RBMS3: variants seen among roughly 807,000 people sequenced by gnomAD.
RBMS3 encodes RNA binding motif single stranded interacting protein 3.
A neutral mutation model predicts 66.8 loss-of-function variants in RBMS3; 27 were observed. That is an observed-to-expected ratio of 0.40 (90% CI 0.30 to 0.56). RBMS3 has a LOEUF of 0.56. Among genes scored for constraint, RBMS3 ranks in the 20% least tolerant of loss-of-function variants. The pLI is 0.40. For synonymous variants in RBMS3, 188 were observed against 183.0 expected, an observed-to-expected ratio of 1.03 and a Z score of -0.22; for missense variants, 513 against 549.5, an observed-to-expected ratio of 0.93 and a Z score of 0.66.
intron 1 of RBMS3, among the ~76,000 whole-genome samples, chr3:29,345,774 T>G (rs1054466878): frequency 6.6e-6 from 1 of 152,156 alleles, no homozygotes; most frequent in African/African-American, 2.4e-5. Flanking sequence ...GAAACAGGTT[T>G]GATTGAAGTC....
chr3:29,995,716 T>C (rs1299349449), intron 14 of RBMS3, among the ~76,000 whole-genome samples: 215 of 151,382 alleles, frequency 1.4e-3, no homozygotes, highest in African/African-American at 4.9e-3. Flanking sequence ...CAAGCAAGTG[T>C]TGAGAGATTT....
At chr3:29,637,166 A>G (rs2049507416) in intron 4 of RBMS3, among the ~76,000 whole-genome samples, 1 of 151,762 alleles carries the variant, frequency 6.6e-6, no homozygotes, top group Non-Finnish European at 1.5e-5. Flanking sequence ...ATTTCTACTT[A>G]ATTTGCTGAT....
At chr3:29,812,417 T>A (rs1264954762) in intron 6 of RBMS3, among the ~76,000 whole-genome samples, 1 of 152,172 alleles carries the variant, frequency 6.6e-6, no homozygotes, top group Non-Finnish European at 1.5e-5. Flanking sequence ...ATGTTTGTTC[T>A]CCTGTTGGAA....
At chr3:29,826,953 T>G (rs2149482439) in intron 6 of RBMS3, among the ~76,000 whole-genome samples, 1 of 152,244 alleles carries the variant, frequency 6.6e-6, no homozygotes, top group Admixed American at 6.5e-5. Flanking sequence ...CACACACATC[T>G]TTACCAAGTT....
chr3:29,698,541 G>T, intron 4 of RBMS3: 2 of 985,274 alleles, frequency 2.0e-6, no homozygotes, highest in African/African-American at 1.7e-5. Context: ...TCAAGATGGC[G>T]GATTCAATGA....
At chr3:29,559,204 G>A (rs1280586092) in intron 3 of RBMS3, among the ~76,000 whole-genome samples, 1 of 151,544 alleles carries the variant, frequency 6.6e-6, no homozygotes, top group Non-Finnish European at 1.5e-5. Context: ...CTAAATAATT[G>A]TGCATTAATT....
At chr3:29,600,037 T>C (rs754966716) in intron 4 of RBMS3, among the ~76,000 whole-genome samples, 14 of 152,150 alleles carry the variant, frequency 9.2e-5, no homozygotes, top group Non-Finnish European at 1.3e-4. Flanking sequence ...AGATACTATT[T>C]TTACTATCAA....
At chr3:29,641,496 A>T (rs2049710588) in intron 4 of RBMS3, among the ~76,000 whole-genome samples, 1 of 152,062 alleles carries the variant, frequency 6.6e-6, no homozygotes, top group Non-Finnish European at 1.5e-5. Flanking sequence ...ACACGTTTTA[A>T]TGTACTGCTA....
intron 4 of RBMS3, among the ~76,000 whole-genome samples, chr3:29,644,979 C>T (rs2049862279): frequency 6.6e-6 from 1 of 152,132 alleles, no homozygotes; most frequent in African/African-American, 2.4e-5. Flanking sequence ...AGAAGTATTG[C>T]TTAACCATGG....
chr3:29,849,737 T>G (rs1350660713), intron 6 of RBMS3, among the ~76,000 whole-genome samples: 1 of 152,170 alleles, frequency 6.6e-6, no homozygotes, highest in Non-Finnish European at 1.5e-5. Flanking sequence ...CAGAAATATT[T>G]TAACAGCAAG....
chr3:29,283,404 A>G (rs1053700544), intron 1 of RBMS3, among the ~76,000 whole-genome samples: 1 of 152,168 alleles, frequency 6.6e-6, no homozygotes, highest in Non-Finnish European at 1.5e-5. Context: ...GAAATAGTGA[A>G]TGTTATGCAC....
intron 1 of RBMS3, among the ~76,000 whole-genome samples, chr3:29,358,477 T>C (rs200250256): frequency 0.11 from 16,708 of 152,034 alleles, 1,055 homozygotes; most frequent in East Asian, 0.22. Flanking sequence ...AGTGAGGTAG[T>C]GTGATGCCTC....
At chr3:29,928,180 T>TTATGTG (rs59335121) in intron 10 of RBMS3, among the ~76,000 whole-genome samples, 1 of 102,574 alleles carries the variant, frequency 9.7e-6, no homozygotes, top group East Asian at 3.3e-4. Context: ...TCTTCAAATT[T>TTATGTG]TATATATATA....
chr3:29,490,281 AC>A (rs1313399052), intron 3 of RBMS3, among the ~76,000 whole-genome samples: 4 of 151,574 alleles, frequency 2.6e-5, no homozygotes, highest in Non-Finnish European at 2.9e-5. Flanking sequence ...GGGAGTGGAA[AC>A]AAAAAAAAAT....
intron 6 of RBMS3, among the ~76,000 whole-genome samples, chr3:29,828,724 G>A (rs753943587): frequency 7.2e-5 from 11 of 152,116 alleles, no homozygotes; most frequent in Non-Finnish European, 1.6e-4. Flanking sequence ...ATGTTGGATT[G>A]GAAACTGTAC....
In RBMS3 at chr3:29,968,547, C is replaced by T. The variant is rs1035444595; in HGVS notation, c.1099-19596C>T. Among the ~76,000 whole-genome samples, 6 of 125,596 alleles carry T rather than the reference C, an allele frequency of 4.8e-5. No individual in the cohort carries two copies. The Admixed American group carries it at 4.9e-4, about 10-fold the overall frequency. 82.4% of individuals were successfully genotyped at this position (125,596 alleles called of 152,430 possible). A position where few individuals can be genotyped will look rare whatever the true frequency, so the allele number is the denominator to read the frequency against. ...CTGCTTCCTCTATCCCTGTATTTCACTCAGCTCGGCTCTCTTAACTTGACT... is the reference window on the plus strand; with the variant it reads ...CTGCTTCCTCTATCCCTGTATTTCATTCAGCTCGGCTCTCTTAACTTGACT... On this transcript the variant is annotated intron_variant, in intron 12 of 14. Transcript: ENST00000383767.
At chr3:29,992,369 G>A (rs1357228914) in intron 14 of RBMS3, among the ~76,000 whole-genome samples, 1 of 152,096 alleles carries the variant, frequency 6.6e-6, no homozygotes, top group Admixed American at 6.5e-5. Context: ...GGCGGATCAC[G>A]AGGTCAGGAG....
At position 29,570,159 on chromosome 3, in the gene RBMS3, C is replaced by G. The variant is rs552037077; in HGVS notation, c.308-16955C>G. On this transcript the variant is annotated intron_variant, in intron 3 of 14. Transcript: ENST00000383767. ...CATAACTTATAAAATTAGAAAAAAT[C>G]AATAGTCATTTTCTTATTTTTGAAA... Among the ~76,000 whole-genome samples, 109 of 151,888 alleles carry G rather than the reference C, an allele frequency of 7.2e-4. 1 individual carries two copies. Among genetic ancestry groups the G allele is most frequent in the African/African-American group, 2.4e-3 (99 of 41,430 alleles).
At chr3:29,936,288 T>C in intron 11 of RBMS3, 92 bp downstream of exon 11, 1 of 1,187,230 alleles carries the variant, frequency 8.4e-7, no homozygotes, top group Non-Finnish European at 1.2e-6. Flanking sequence ...AAACTGTGTC[T>C]GTACCATATT....
Sources: gnomAD v4.1 joint callset for allele counts (sites outside exome capture counted in the v4.1 genomes callset) on GRCh38, gnomAD v4.1.1 for gene constraint, MANE v1.5 for transcripts, NCBI Gene and HGNC (gene_info 2026-07-23, HGNC 2026-07-21) for gene names.